H1-4: variants seen among roughly 807,000 people sequenced by gnomAD.
H1-4 encodes the protein H1.4 linker histone, cluster member, also known as histone H1.4.
Under a neutral mutation model 7.2 loss-of-function variants are expected in H1-4, and 9 were observed. That is an observed-to-expected ratio of 1.25 (90% CI 0.75 to 2.18). H1-4 has a LOEUF of 2.18. Ranked by LOEUF, H1-4 falls within the 30% of genes most tolerant of loss-of-function variation. H1-4 has a pLI of 0.00. For synonymous variants in H1-4, 318 were observed against 126.6 expected, an observed-to-expected ratio of 2.51 and a Z score of -10.15; for missense variants, 646 against 287.9, an observed-to-expected ratio of 2.24 and a Z score of -9.00.
In H1-4 at chr6:26,156,938, A is replaced by T. The variant is rs577879962; in HGVS notation, c.548A>T (p.Lys183Met). The T allele has an allele frequency of 4.3e-6, 7 of 1,612,410 alleles. No individual in the cohort carries two copies. Among genetic ancestry groups the T allele is most frequent in the Non-Finnish European group, 5.9e-6 (7 of 1,179,834 alleles). ...PKKAKAAKPK[K>M]APKSPAKAKA... Reference sequence around the variant, plus strand: ...AAGGCGAAAGCAGCCAAGCCAAAAAAGGCGCCCAAGAGCCCAGCGAAGGCC... The same window carrying T: ...AAGGCGAAAGCAGCCAAGCCAAAAATGGCGCCCAAGAGCCCAGCGAAGGCC... The change falls in exon 1 of 1, where the codon AAG (lysine) becomes ATG (methionine). Residue 183 changes from lysine (K) to methionine (M), a missense_variant. Coordinates refer to ENST00000304218, the MANE Select transcript of H1-4 (RefSeq NM_005321.3).
rs761301955 is a variant in H1-4 at position 26,156,366 on chromosome 6, G to T, written c.-25G>T. On this transcript the variant is annotated 5_prime_UTR_variant, in exon 1 of 1. Transcript: ENST00000304218. ...AGTGCCTCTGCTTCCGGCTCGAATT[G>T]CTCTCGCTCACGCTTGCCTTCAACA... 51 of 1,525,244 alleles carry T rather than the reference G, an allele frequency of 3.3e-5. No homozygotes were observed. Among genetic ancestry groups the T allele is most frequent in the Non-Finnish European group, 4.0e-5 (46 of 1,141,610 alleles). The allele number at this position is 1,525,244 out of a possible 1,614,324, so 94.5% of individuals were successfully genotyped here.
Position 26,156,893 on chromosome 6 carries a change from A to T in H1-4, c.503A>T (p.Lys168Ile), listed in dbSNP as rs757061659. The T allele has an allele frequency of 1.9e-6, 3 of 1,610,352 alleles. No individual in the cohort carries two copies. The highest frequency in any genetic ancestry group is 2.2e-5 in the South Asian group (2 of 90,880). Residue 168 changes from lysine (K) to isoleucine (I), a missense_variant, in exon 1 of 1, where the codon AAA (lysine) becomes ATA (isoleucine). Physicochemically the swap from Lys to Ile is moderately radical, Grantham distance 102. Coordinates refer to ENST00000304218, the MANE Select transcript of H1-4 (RefSeq NM_005321.3). The part of the protein sequence containing the change: ...AKKPAAAAGA[K>I]KAKSPKKAKA... Reference sequence around the variant, plus strand: ...AAGCCGGCTGCAGCTGCTGGAGCCAAAAAAGCGAAAAGCCCGAAAAAGGCG... The same window carrying T: ...AAGCCGGCTGCAGCTGCTGGAGCCATAAAAGCGAAAAGCCCGAAAAAGGCG...
At position 26,156,457 on chromosome 6, in the gene H1-4, A is replaced by AT; in HGVS notation, c.67_68insT (p.Lys23IlefsTer24). On this transcript the variant is annotated frameshift_variant, in exon 1 of 1. Transcript: ENST00000304218. LOFTEE classifies it high-confidence loss of function. ...TGCCGAGAAGACTCCCGTGAAGAAG[A>AT]AGGCCCGCAAGTCTGCAGGTGCGGC... 6.2e-7 allele frequency: 1 copy of AT among 1,612,090 alleles called. No homozygotes were observed. Among genetic ancestry groups the AT allele is most frequent in the Non-Finnish European group, 8.5e-7 (1 of 1,179,296 alleles).
rs959861084 is a variant in H1-4 at position 26,157,059 on chromosome 6, T to C, written c.*9T>C. The C allele has an allele frequency of 6.3e-6, 10 of 1,578,236 alleles. No homozygotes were observed. The highest frequency in any genetic ancestry group is 2.2e-5 in the East Asian group (1 of 44,784). On this transcript the variant is annotated 3_prime_UTR_variant, in exon 1 of 1. Coordinates refer to ENST00000304218, the MANE Select transcript of H1-4 (RefSeq NM_005321.3). Reference sequence around the variant, plus strand: ...CAGCCAAGAAAAAGTAGAAAGTTCCTTTGGCCAACTGCTTAGAAGCCCAAC... The same window carrying C: ...CAGCCAAGAAAAAGTAGAAAGTTCCCTTGGCCAACTGCTTAGAAGCCCAAC...
In H1-4 at chr6:26,156,889, G is replaced by A. The variant is rs200255372; in HGVS notation, c.499G>A (p.Ala167Thr). The A allele has an allele frequency of 5.8e-5, 93 of 1,609,034 alleles. 1 individual carries two copies. Among genetic ancestry groups the A allele is most frequent in the Admixed American group, 1.7e-5 (1 of 59,158 alleles). The change falls in exon 1 of 1, where the codon GCC (alanine) becomes ACC (threonine). Residue 167 changes from alanine (A) to threonine (T), a missense_variant. Transcript: ENST00000304218. ...KAKKPAAAAG[A>T]KKAKSPKKAK... Reference sequence around the variant, plus strand: ...GAAGAAGCCGGCTGCAGCTGCTGGAGCCAAAAAAGCGAAAAGCCCGAAAAA... The same window carrying A: ...GAAGAAGCCGGCTGCAGCTGCTGGAACCAAAAAAGCGAAAAGCCCGAAAAA...
rs548744758 is a variant in H1-4, at chr6:26,156,968, C to T, written c.578C>T (p.Ala193Val). ...CCCAAGAGCCCAGCGAAGGCCAAAG[C>T]AGTTAAACCCAAGGCGGCTAAACCA... Reference protein sequence around the residue: ...KAPKSPAKAKAVKPKAAKPKT... With the variant: ...KAPKSPAKAKVVKPKAAKPKT... The change falls in exon 1 of 1, where the codon GCA (alanine) becomes GTA (valine). Residue 193 changes from alanine (A) to valine (V), a missense_variant. Physicochemically the swap from Ala to Val is moderately conservative, Grantham distance 64 (BLOSUM62 0). Transcript: ENST00000304218. 3 of 1,612,080 alleles carry T rather than the reference C, an allele frequency of 1.9e-6. No homozygotes were observed. The highest frequency in any genetic ancestry group is 2.7e-5 in the African/African-American group (2 of 74,836).
rs1581429826 is a variant in H1-4 at position 26,156,974 on chromosome 6, A to C, written c.584A>C (p.Lys195Thr). 1 of 1,610,868 alleles carries C rather than the reference A, an allele frequency of 6.2e-7. No homozygotes were observed. Among genetic ancestry groups the C allele is most frequent in the Non-Finnish European group, 8.5e-7 (1 of 1,179,504 alleles). ...AGCCCAGCGAAGGCCAAAGCAGTTA[A>C]ACCCAAGGCGGCTAAACCAAAGACC... ...PKSPAKAKAV[K>T]PKAAKPKTAK... The change falls in exon 1 of 1, where the codon AAA becomes ACA. Residue 195 changes from lysine to threonine, a missense_variant. Coordinates refer to ENST00000304218, the MANE Select transcript of H1-4 (RefSeq NM_005321.3).
At position 26,156,561 on chromosome 6, in the gene H1-4, A is replaced by G. The variant is rs139757464; in HGVS notation, c.171A>G (p.Val57=). 510 of 1,614,170 alleles carry G rather than the reference A, an allele frequency of 3.2e-4. No individual in the cohort carries two copies. Among genetic ancestry groups the G allele is most frequent in the East Asian group, 6.9e-4 (31 of 44,874 alleles). ...CCGCCTCCAAGGAGCGCAGCGGCGT[A>G]TCTTTGGCCGCTCTCAAGAAAGCGC... is the stretch of plus-strand genomic sequence containing the variant. The part of the protein sequence containing the change: ...AVAASKERSG[V]SLAALKKALA... Residue 57 remains valine (V), a synonymous_variant, in exon 1 of 1, where the codon GTA becomes GTG. Transcript: ENST00000304218.
rs558033701 is a variant in H1-4, at chr6:26,156,712, A to C, written c.322A>C (p.Asn108His). 2 of 1,614,164 alleles carry C rather than the reference A, an allele frequency of 1.2e-6. No homozygotes were observed. The highest frequency in any genetic ancestry group is 1.7e-5 in the Admixed American group (1 of 60,020). The change falls in exon 1 of 1, where the codon AAC becomes CAC. Residue 108 changes from asparagine to histidine, a missense_variant. By Grantham distance (68) the Asn-to-His change is moderately conservative (BLOSUM62 1). Transcript: ENST00000304218. Reference protein sequence around the residue: ...GTGASGSFKLNKKAASGEAKP... With the variant: ...GTGASGSFKLHKKAASGEAKP... The stretch of plus-strand genomic sequence containing the variant: ...CGGCGCGTCGGGTTCCTTCAAACTC[A>C]ACAAGAAGGCGGCCTCTGGGGAAGC...
At position 26,157,043 on chromosome 6, in the gene H1-4, A is replaced by G. The variant is rs745757898; in HGVS notation, c.653A>G (p.Lys218Arg). Reference protein sequence around the residue: ...AAKPKKAAAKKK With the variant: ...AAKPKKAAAKRK ...AAGCCAAAGAAGGCGGCAGCCAAGA[A>G]AAAGTAGAAAGTTCCTTTGGCCAAC... Residue 218 changes from lysine to arginine, a missense_variant, in exon 1 of 1, where the codon AAA (lysine) becomes AGA (arginine). Lys to Arg is a conservative substitution (Grantham distance 26). Transcript: ENST00000304218. 4.4e-6 allele frequency: 7 copies of G among 1,580,932 alleles called. No individual in the cohort carries two copies. The highest frequency in any genetic ancestry group is 2.2e-5 in the East Asian group (1 of 44,778).
chr6:26,156,570 C>A lies in H1-4; in HGVS notation c.180C>A (p.Ala60=), dbSNP rs1226896448. Residue 60 remains alanine, a synonymous_variant, in exon 1 of 1, where the codon GCC becomes GCA. Transcript: ENST00000304218. Reference sequence around the variant, plus strand: ...AGGAGCGCAGCGGCGTATCTTTGGCCGCTCTCAAGAAAGCGCTGGCAGCCG... The same window carrying A: ...AGGAGCGCAGCGGCGTATCTTTGGCAGCTCTCAAGAAAGCGCTGGCAGCCG... ...ASKERSGVSL[A]ALKKALAAAG... 5 of 1,614,036 alleles carry A rather than the reference C, an allele frequency of 3.1e-6. No homozygotes were observed. In the Admixed American group the frequency reaches 6.7e-5, roughly 22 times the overall value.
rs754791514 is a variant in H1-4 at position 26,156,373 on chromosome 6, C to A, written c.-18C>A. 8.5e-6 allele frequency: 13 copies of A among 1,535,512 alleles called. No homozygotes were observed. Among genetic ancestry groups the A allele is most frequent in the Non-Finnish European group, 9.6e-6 (11 of 1,146,082 alleles). The stretch of plus-strand genomic sequence containing the variant: ...CTGCTTCCGGCTCGAATTGCTCTCG[C>A]TCACGCTTGCCTTCAACATGTCCGA... On this transcript the variant is annotated 5_prime_UTR_variant, in exon 1 of 1. Coordinates refer to ENST00000304218, the MANE Select transcript of H1-4 (RefSeq NM_005321.3).
Position 26,156,379 on chromosome 6 carries a change from C to G in H1-4, c.-12C>G, listed in dbSNP as rs777296172. 3.2e-6 allele frequency: 5 copies of G among 1,547,646 alleles called. No individual in the cohort carries two copies. Among genetic ancestry groups the G allele is most frequent in the Admixed American group, 2.0e-5 (1 of 49,402 alleles). ...CCGGCTCGAATTGCTCTCGCTCACG[C>G]TTGCCTTCAACATGTCCGAGACTGC... On this transcript the variant is annotated 5_prime_UTR_variant, in exon 1 of 1. Coordinates refer to ENST00000304218, the MANE Select transcript of H1-4 (RefSeq NM_005321.3).
rs779505837 is a variant in H1-4, at chr6:26,156,474, A to T, written c.84A>T (p.Ala28=). ...TGAAGAAGAAGGCCCGCAAGTCTGC[A>T]GGTGCGGCCAAGCGCAAAGCGTCTG... is the stretch of plus-strand genomic sequence containing the variant. ...TPVKKKARKS[A]GAAKRKASGP... The change falls in exon 1 of 1, where the codon GCA becomes GCT. Residue 28 remains alanine, a synonymous_variant. Coordinates refer to ENST00000304218, the MANE Select transcript of H1-4 (RefSeq NM_005321.3). The T allele has an allele frequency of 1.9e-6, 3 of 1,613,316 alleles. No homozygotes were observed. Among genetic ancestry groups the T allele is most frequent in the East Asian group, 4.5e-5 (2 of 44,864 alleles).
Position 26,156,484 on chromosome 6 carries a change from A to G in H1-4, c.94A>G (p.Lys32Glu). 1 of 1,613,558 alleles carries G rather than the reference A, an allele frequency of 6.2e-7. No individual in the cohort carries two copies. Among genetic ancestry groups the G allele is most frequent in the Non-Finnish European group, 8.5e-7 (1 of 1,179,930 alleles). The change falls in exon 1 of 1, where the codon AAG becomes GAG. Residue 32 changes from lysine to glutamate, a missense_variant. Coordinates refer to ENST00000304218, the MANE Select transcript of H1-4 (RefSeq NM_005321.3). ...KKARKSAGAA[K>E]RKASGPPVSE... ...GGCCCGCAAGTCTGCAGGTGCGGCC[A>G]AGCGCAAAGCGTCTGGGCCCCCGGT...
At position 26,156,986 on chromosome 6, in the gene H1-4, C is replaced by T. The variant is rs1476102786; in HGVS notation, c.596C>T (p.Ala199Val). The change falls in exon 1 of 1, where the codon GCT (alanine) becomes GTT (valine). Residue 199 changes from alanine (A) to valine (V), a missense_variant. Physicochemically the swap from Ala to Val is moderately conservative, Grantham distance 64 (BLOSUM62 0). Coordinates refer to ENST00000304218, the MANE Select transcript of H1-4 (RefSeq NM_005321.3). ...AKAKAVKPKAAKPKTAKPKAA... is the reference protein window; with the variant it reads ...AKAKAVKPKAVKPKTAKPKAA... ...GCCAAAGCAGTTAAACCCAAGGCGG[C>T]TAAACCAAAGACCGCCAAGCCCAAG... 1 of 1,607,384 alleles carries T rather than the reference C, an allele frequency of 6.2e-7. No individual in the cohort carries two copies. The highest frequency in any genetic ancestry group is 1.1e-5 in the South Asian group (1 of 90,206).
rs759953648 is a variant in H1-4, at chr6:26,156,382, G to C, written c.-9G>C. 1 of 1,552,832 alleles carries C rather than the reference G, an allele frequency of 6.4e-7. No homozygotes were observed. Among genetic ancestry groups the C allele is most frequent in the Non-Finnish European group, 8.7e-7 (1 of 1,153,160 alleles). On this transcript the variant is annotated 5_prime_UTR_variant, in exon 1 of 1. Transcript: ENST00000304218. Reference sequence around the variant, plus strand: ...GCTCGAATTGCTCTCGCTCACGCTTGCCTTCAACATGTCCGAGACTGCGCC... The same window carrying C: ...GCTCGAATTGCTCTCGCTCACGCTTCCCTTCAACATGTCCGAGACTGCGCC...
chr6:26,156,835 A>C lies in H1-4; in HGVS notation c.445A>C (p.Lys149Gln). 1 of 1,606,210 alleles carries C rather than the reference A, an allele frequency of 6.2e-7. No homozygotes were observed. Among genetic ancestry groups the C allele is most frequent in the South Asian group, 1.1e-5 (1 of 90,590 alleles). The change falls in exon 1 of 1, where the codon AAG becomes CAG. Residue 149 changes from lysine (K) to glutamine (Q), a missense_variant. Coordinates refer to ENST00000304218, the MANE Select transcript of H1-4 (RefSeq NM_005321.3). Reference protein sequence around the residue: ...KKATGAATPKKSAKKTPKKAK... With the variant: ...KKATGAATPKQSAKKTPKKAK... ...GGCGACGGGGGCGGCCACCCCCAAG[A>C]AGAGCGCCAAGAAGACCCCAAAGAA...
Position 26,156,348 on chromosome 6 carries a change from C to T in H1-4, c.-43C>T, listed in dbSNP as rs767973275. On this transcript the variant is annotated 5_prime_UTR_variant, in exon 1 of 1. Coordinates refer to ENST00000304218, the MANE Select transcript of H1-4 (RefSeq NM_005321.3). ...GCGGCTCGAGTCCCGGCCAGTGCCT[C>T]TGCTTCCGGCTCGAATTGCTCTCGC... 1.1e-5 allele frequency: 17 copies of T among 1,508,488 alleles called. No homozygotes were observed. Among genetic ancestry groups the T allele is most frequent in the Admixed American group, 2.2e-5 (1 of 46,368 alleles). The allele number at this position is 1,508,488 out of a possible 1,614,324, so 93.4% of individuals were successfully genotyped here. A position where few individuals can be genotyped will look rare whatever the true frequency, so the allele number is the denominator to read the frequency against.
Sources: gnomAD v4.1 joint callset for allele counts on GRCh38, gnomAD v4.1.1 for gene constraint, MANE v1.5 for transcripts, NCBI Gene and HGNC (gene_info 2026-07-23, HGNC 2026-07-21) for gene names.